Variants in TSPAN5 observed in about 807,000 individuals in gnomAD.
TSPAN5 encodes tetraspanin 5.
A neutral mutation model predicts 37.1 loss-of-function variants in TSPAN5; 10 were observed. The ratio of observed to expected loss-of-function variants is 0.27; its 90% CI spans 0.17 to 0.46. TSPAN5 has a LOEUF of 0.46. TSPAN5 is among the 20% of genes least tolerant of loss of function. TSPAN5 has a pLI of 1.00. For missense variants in TSPAN5, 195 were observed against 326.6 expected, an observed-to-expected ratio of 0.60 and a Z score of 3.11; for synonymous variants, 110 against 118.9, an observed-to-expected ratio of 0.93 and a Z score of 0.48.
At chr4:98,509,903 T>C (rs771333407) in intron 1 of TSPAN5, 4 of 152,190 alleles carry the variant, frequency 2.6e-5, no homozygotes, top group Non-Finnish European at 4.4e-5. Flanking sequence ...CTTCAACCCA[T>C]TGACATCAAA....
chr4:98,631,186 A>G (rs1364459081), intron 1 of TSPAN5, among the ~76,000 whole-genome samples: 3 of 152,182 alleles, frequency 2.0e-5, no homozygotes, highest in African/African-American at 7.2e-5. Flanking sequence ...CGACTGGCAA[A>G]ACGTCCACAA....
At chr4:98,603,762 T>C (rs1350320485) in intron 1 of TSPAN5, among the ~76,000 whole-genome samples, 3 of 152,138 alleles carry the variant, frequency 2.0e-5, no homozygotes, top group African/African-American at 7.2e-5. Context: ...CTCATCTCCT[T>C]CACAATGGAA....
chr4:98,657,979 T>C (rs1411194056), intron 1 of TSPAN5, among the ~76,000 whole-genome samples, 167 bp downstream of exon 1: 2 of 152,212 alleles, frequency 1.3e-5, no homozygotes, highest in Non-Finnish European at 2.9e-5. Flanking sequence ...GGATTAAATG[T>C]TTATCTCTCC....
chr4:98,619,623 A>G (rs569447001), intron 1 of TSPAN5, among the ~76,000 whole-genome samples: 46 of 152,358 alleles, frequency 3.0e-4, no homozygotes, highest in Admixed American at 2.0e-3. Context: ...GAAGTCAATC[A>G]AATAATGATG....
intron 1 of TSPAN5, among the ~76,000 whole-genome samples, chr4:98,522,232 T>C (rs542571715): frequency 1.3e-5 from 2 of 152,242 alleles, no homozygotes; most frequent in Non-Finnish European, 2.9e-5. Flanking sequence ...ACTGACTTCT[T>C]GTTAGAATTC....
chr4:98,477,087 G>A (rs1367649175), intron 5 of TSPAN5, among the ~76,000 whole-genome samples: 2 of 152,186 alleles, frequency 1.3e-5, no homozygotes, highest in East Asian at 1.9e-4. Flanking sequence ...CTGCCCAGAG[G>A]ATCTGTAGGT....
At chr4:98,606,292 C>T (rs1245277949) in intron 1 of TSPAN5, among the ~76,000 whole-genome samples, 1 of 152,238 alleles carries the variant, frequency 6.6e-6, no homozygotes, top group East Asian at 1.9e-4. Flanking sequence ...GTTGTCTTAC[C>T]CCATTCTGAA....
chr4:98,561,561 C>T (rs761982195), intron 1 of TSPAN5, among the ~76,000 whole-genome samples: 8 of 152,086 alleles, frequency 5.3e-5, no homozygotes, highest in African/African-American at 1.7e-4. Context: ...TTTATGACAG[C>T]GACACTTTAA....
chr4:98,651,776 CAATGGAG>C (rs1698739083), intron 1 of TSPAN5, among the ~76,000 whole-genome samples: 1 of 150,620 alleles, frequency 6.6e-6, no homozygotes, highest in South Asian at 2.1e-4. Context: ...AGGCACGATA[CAATGGAG>C]AATGCTTCAC....
chr4:98,517,712 C>G (rs1271149756), intron 1 of TSPAN5, among the ~76,000 whole-genome samples: 2 of 152,094 alleles, frequency 1.3e-5, no homozygotes, highest in Non-Finnish European at 2.9e-5. Context: ...CCAAGCAATG[C>G]AGGCACGTAA....
At chr4:98,486,618 G>T in intron 3 of TSPAN5, 120 bp downstream of exon 3, 4 of 1,105,944 alleles carry the variant, frequency 3.6e-6, no homozygotes, top group East Asian at 2.5e-5. Flanking sequence ...ATAATGACCT[G>T]GGCCCTACTT....
chr4:98,538,464 G>A (rs144761838), intron 1 of TSPAN5, among the ~76,000 whole-genome samples: 15 of 152,280 alleles, frequency 9.9e-5, no homozygotes, highest in African/African-American at 2.4e-4. Context: ...CAGCCACCCC[G>A]CCACCAGAGC....
rs1177328294 is a variant in TSPAN5, at chr4:98,658,575, C to G, written c.-349G>C. ...TTCGTCCCCGGGCTTCGGGCAAAGG[C>G]GGCCGCGGCAGATGCTGGTGGAGAC... On this transcript the variant is annotated 5_prime_UTR_variant, in exon 1 of 8. Coordinates refer to ENST00000305798, the MANE Select transcript of TSPAN5 (RefSeq NM_005723.4). 6.2e-6 allele frequency: 1 copy of G among 161,552 alleles called. No homozygotes were observed. The highest frequency in any genetic ancestry group is 1.3e-5 in the Non-Finnish European group (1 of 74,548). The allele number at this position is 161,552 out of a possible 1,614,324, so 10.0% of individuals were successfully genotyped here.
chr4:98,510,915 C>G (rs1375303965), intron 1 of TSPAN5, among the ~76,000 whole-genome samples: 1 of 152,054 alleles, frequency 6.6e-6, no homozygotes, highest in African/African-American at 2.4e-5. Context: ...GTTCCAGTTC[C>G]CAATAATTAA....
chr4:98,580,726 G>A (rs1355171577), intron 1 of TSPAN5, among the ~76,000 whole-genome samples: 2 of 152,156 alleles, frequency 1.3e-5, no homozygotes, highest in African/African-American at 4.8e-5. Context: ...TAATAATTTA[G>A]CATGAAAACC....
intron 7 of TSPAN5, 36 bp from the exon 8 acceptor site, chr4:98,472,623 A>T: frequency 6.4e-7 from 1 of 1,555,296 alleles, no homozygotes; most frequent in Non-Finnish European, 8.8e-7. Flanking sequence ...AAACAGTGAC[A>T]CTTGTAACTT....
intron 1 of TSPAN5, among the ~76,000 whole-genome samples, chr4:98,653,014 C>A (rs1459788363): frequency 1.3e-5 from 2 of 152,192 alleles, no homozygotes. Context: ...ACTTTCCCCA[C>A]TTTATACCTT....
At chr4:98,559,875 G>A (rs1410314093) in intron 1 of TSPAN5, among the ~76,000 whole-genome samples, 2 of 152,140 alleles carry the variant, frequency 1.3e-5, no homozygotes, top group African/African-American at 4.8e-5. Context: ...TTCCTTAAGT[G>A]TAGAATAAAT....
intron 1 of TSPAN5, among the ~76,000 whole-genome samples, chr4:98,510,120 A>G (rs990897422): frequency 6.6e-6 from 1 of 152,186 alleles, no homozygotes; most frequent in Non-Finnish European, 1.5e-5. Flanking sequence ...ATGTCTCTTT[A>G]AAGCTTCACA....
Sources: gnomAD v4.1 joint callset for allele counts (sites outside exome capture counted in the v4.1 genomes callset) on GRCh38, gnomAD v4.1.1 for gene constraint, MANE v1.5 for transcripts, NCBI Gene and HGNC (gene_info 2026-07-23, HGNC 2026-07-21) for gene names.